The following ACOT11 variants were observed in gnomAD, a reference collection of about 807,000 sequenced individuals.
ACOT11 encodes the protein acyl-coenzyme A thioesterase 11.
A neutral mutation model predicts 77.5 loss-of-function variants in ACOT11; 69 were observed. The ratio of observed to expected loss-of-function variants is 0.89; its 90% CI spans 0.73 to 1.09. The LOEUF is 1.09. ACOT11 is among the 50% of genes least tolerant of loss of function. ACOT11 has a pLI of 0.00. For synonymous variants in ACOT11, 279 were observed against 313.0 expected (o/e 0.89, Z 1.15); for missense variants, 766 against 813.7 (o/e 0.94, Z 0.71).
chr1:54,584,328 C>T lies in ACOT11; in HGVS notation c.34-327C>T, dbSNP rs1027290793. ...CAGAATGAACGTAAATCTAAGGCAA[C>T]ACTTTAAACAGTTGGCCCAGGAGCT... On this transcript the variant is annotated intron_variant, in intron 1 of 15. Coordinates refer to ENST00000343744, the MANE Select transcript of ACOT11 (RefSeq NM_147161.4). This position sits in a 1 kb window ranked among gnomAD's most constrained non-coding sequence, Gnocchi z 6.3. 1.1e-4 allele frequency among the ~76,000 whole-genome samples: 17 copies of T among 152,186 alleles called. 1 individual carries two copies. Among genetic ancestry groups the T allele is most frequent in the Non-Finnish European group, 2.5e-4 (17 of 68,034 alleles).
exon 17 of ACOT11, chr1:54,636,589 A>C (rs1043082300): frequency 6.6e-6 from 1 of 152,134 alleles, no homozygotes; most frequent in Non-Finnish European, 1.5e-5. Flanking sequence ...AGCAGGAGAC[A>C]GAAGCCTTCC....
In ACOT11 at chr1:54,607,335, C is replaced by T. The variant is rs1644038847; in HGVS notation, c.1502+70C>T. The T allele has an allele frequency of 1.2e-5, 19 of 1,591,398 alleles. No homozygotes were observed. In the Admixed American group the frequency reaches 2.5e-4, roughly 21 times the overall value. ...GTGGTAGGGTGGCCGCTTCTCCCTCCCAGGGAAGGGCATCAGCCTGGAGCC... is the reference window on the plus strand; with the variant it reads ...GTGGTAGGGTGGCCGCTTCTCCCTCTCAGGGAAGGGCATCAGCCTGGAGCC... On this transcript the variant is annotated intron_variant, in intron 14 of 15. Coordinates refer to ENST00000343744, the MANE Select transcript of ACOT11 (RefSeq NM_147161.4). The surrounding 1 kb of genome is among the most constrained non-coding windows in gnomAD (Gnocchi z 4.5).
chr1:54,618,118 G>A (rs924847699), intron 15 of ACOT11, among the ~76,000 whole-genome samples: 3 of 152,022 alleles, frequency 2.0e-5, no homozygotes, highest in Admixed American at 2.0e-4. Flanking sequence ...AATTTGTTTT[G>A]TCCTCCCCAT....
intron 1 of ACOT11, among the ~76,000 whole-genome samples, chr1:54,571,578 G>A (rs1365800400): frequency 6.6e-6 from 1 of 152,196 alleles, no homozygotes; most frequent in Non-Finnish European, 1.5e-5. Context: ...AGCACCACAG[G>A]TTCCTCTGCT....
Position 54,593,950 on chromosome 1 carries a change from C to G in ACOT11, c.382C>G (p.Gln128Glu). 1 of 1,614,048 alleles carries G rather than the reference C, an allele frequency of 6.2e-7. No individual in the cohort carries two copies. Among genetic ancestry groups the G allele is most frequent in the Non-Finnish European group, 8.5e-7 (1 of 1,179,942 alleles). The stretch of plus-strand genomic sequence containing the variant: ...TACTGTTCCTCTCCAGGTGGGCATC[C>G]AGGTGGCCTCGGAGGACCTGTGCTC... ...AFNSSMEVGI[Q>E]VASEDLCSEK... Residue 128 changes from glutamine to glutamate, a missense_variant, in exon 5 of 16, where the codon CAG becomes GAG. Coordinates refer to ENST00000343744, the MANE Select transcript of ACOT11 (RefSeq NM_147161.4).
At chr1:54,560,074 G>C (rs142296248) in intron 1 of ACOT11, among the ~76,000 whole-genome samples, 16 of 152,188 alleles carry the variant, frequency 1.1e-4, no homozygotes, top group African/African-American at 1.2e-4. Flanking sequence ...GGGCAGTGAC[G>C]GACTGGGGCA....
chr1:54,619,882 T>C (rs1269145693), intron 15 of ACOT11: 1 of 1,614,126 alleles, frequency 6.2e-7, no homozygotes, highest in Non-Finnish European at 8.5e-7. Context: ...GCAGCTGTCA[T>C]GGCTTTCTTG....
chr1:54,559,846 T>C (rs1184910161), intron 1 of ACOT11, among the ~76,000 whole-genome samples: 48 of 152,184 alleles, frequency 3.2e-4, no homozygotes, highest in Admixed American at 3.0e-3. Flanking sequence ...GACCCCAAGC[T>C]CCAGCTGGGC....
At chr1:54,571,195 T>C (rs1347745791) in intron 1 of ACOT11, among the ~76,000 whole-genome samples, 2 of 152,122 alleles carry the variant, frequency 1.3e-5, no homozygotes, top group Non-Finnish European at 2.9e-5. Flanking sequence ...GTAAAATGGC[T>C]TCGGGTTATC....
intron 1 of ACOT11, among the ~76,000 whole-genome samples, chr1:54,549,411 C>T (rs1030166680): frequency 4.6e-5 from 7 of 152,172 alleles, no homozygotes; most frequent in East Asian, 3.9e-4. Flanking sequence ...TCCGCGGCTT[C>T]GGTGTCCCAC....
chr1:54,601,147 G>T, intron 8 of ACOT11, 122 bp from the exon 9 acceptor site: 1 of 1,128,762 alleles, frequency 8.9e-7, no homozygotes, highest in Non-Finnish European at 1.3e-6. Context: ...ATACGTGTGT[G>T]TGTGTGCATG....
intron 1 of ACOT11, among the ~76,000 whole-genome samples, chr1:54,569,112 C>CG (rs1653843712): frequency 1.5e-5 from 2 of 130,030 alleles, no homozygotes; most frequent in African/African-American, 5.9e-5. Context: ...AAGACTCTCT[C>CG]GAAAAAAAAA....
At chr1:54,630,973 A>G (rs1363360038) in intron 16 of ACOT11, 1 of 535,344 alleles carries the variant, frequency 1.9e-6, no homozygotes, top group Non-Finnish European at 3.4e-6. Context: ...ACTTTTTCAC[A>G]CTGATAACGA....
intron 15 of ACOT11, among the ~76,000 whole-genome samples, chr1:54,624,592 T>G (rs1569810420): frequency 1.3e-5 from 2 of 150,760 alleles, no homozygotes; most frequent in Non-Finnish European, 3.0e-5. Flanking sequence ...AGGCGGAGAG[T>G]TGGAGGAAGA....
In ACOT11 at chr1:54,600,860, T is replaced by C. The variant is rs181191456; in HGVS notation, c.885-409T>C. Among the ~76,000 whole-genome samples the C allele has an allele frequency of 2.3e-3, 349 of 152,342 alleles. 9 individuals carry two copies. The highest frequency in any genetic ancestry group is 2.1e-4 in the South Asian group (1 of 4,822). On this transcript the variant is annotated intron_variant, in intron 8 of 15. Transcript: ENST00000343744. Reference sequence around the variant, plus strand: ...CCTTACATCCCTTTGCAGTTTTTGATGGCATATTTATACCTTTGCTTTCTT... The same window carrying C: ...CCTTACATCCCTTTGCAGTTTTTGACGGCATATTTATACCTTTGCTTTCTT...
In ACOT11 at chr1:54,607,090, A is replaced by T. The variant is rs775568149; in HGVS notation, c.1371-44A>T. On this transcript the variant is annotated intron_variant, in intron 13 of 15. Coordinates refer to ENST00000343744, the MANE Select transcript of ACOT11 (RefSeq NM_147161.4). The surrounding 1 kb of genome is among the most constrained non-coding windows in gnomAD (Gnocchi z 4.5). The stretch of plus-strand genomic sequence containing the variant: ...CGGGCAGACCCGCTGCTTGCATGGG[A>T]GCTGGAAGCTTCCTGGGGCACTGAG... 3 of 1,611,700 alleles carry T rather than the reference A, an allele frequency of 1.9e-6. No individual in the cohort carries two copies. In the South Asian group the frequency reaches 3.3e-5, roughly 18 times the overall value.
At chr1:54,597,496 C>A in intron 7 of ACOT11, 81 bp downstream of exon 7, 1 of 1,474,896 alleles carries the variant, frequency 6.8e-7, no homozygotes, top group Non-Finnish European at 9.0e-7. Context: ...GAGGGGAAAC[C>A]CCAGCTTGGG....
rs114457378 is a variant in ACOT11 at position 54,597,022 on chromosome 1, G to A, written c.608-237G>A. On this transcript the variant is annotated intron_variant, in intron 6 of 15. Coordinates refer to ENST00000343744, the MANE Select transcript of ACOT11 (RefSeq NM_147161.4). ...AAGGCCATACAGGCAGTCTGGAGTG[G>A]AGCTGAGGCTCAGACCTGCTGTCTT... Among the ~76,000 whole-genome samples, 739 of 152,342 alleles carry A rather than the reference G, an allele frequency of 4.9e-3. 3 individuals are homozygous for A. The highest frequency in any genetic ancestry group is 9.7e-3 in the Admixed American group (148 of 15,304).
At chr1:54,583,565 T>G (rs1248698385) in intron 1 of ACOT11, among the ~76,000 whole-genome samples, 1 of 150,460 alleles carries the variant, frequency 6.6e-6, no homozygotes, top group Non-Finnish European at 1.5e-5. Flanking sequence ...CAGTGTAGTG[T>G]CGGGGGTAGG....
Sources: gnomAD v4.1 joint callset for allele counts (sites outside exome capture counted in the v4.1 genomes callset) on GRCh38, gnomAD v4.1.1 for gene constraint, Gnocchi (gnomAD v3.1) non-coding constraint, MANE v1.5 for transcripts, NCBI Gene and HGNC (gene_info 2026-07-23, HGNC 2026-07-21) for gene names.